CD109: variants seen among roughly 807,000 people sequenced by gnomAD.
The protein encoded by CD109 is CD109 molecule.
Under a neutral mutation model 165.8 loss-of-function variants are expected in CD109, and 149 were observed. That is an observed-to-expected ratio of 0.90 (90% CI 0.79 to 1.03). The LOEUF (loss-of-function observed/expected upper bound fraction) is 1.03, where lower values mean the gene tolerates loss of function less well. CD109 is among the 50% of genes least tolerant of loss of function. The pLI, the probability that CD109 is intolerant of heterozygous loss-of-function variation, is 0.00. For missense variants in CD109, 1,712 were observed against 1,677.8 expected (o/e 1.02, Z -0.36); for synonymous variants, 585 against 592.1 (o/e 0.99, Z 0.18).
chr6:73,712,681 C>T, intron 2 of CD109, among the ~76,000 whole-genome samples: 1 of 152,238 alleles, frequency 6.6e-6, no homozygotes, highest in East Asian at 1.9e-4. Flanking sequence ...AGCTTTGACT[C>T]TATTTGTAAA....
At chr6:73,763,274 C>T (rs1773704468) in intron 9 of CD109, among the ~76,000 whole-genome samples, 1 of 152,182 alleles carries the variant, frequency 6.6e-6, no homozygotes, top group South Asian at 2.1e-4. Context: ...CTTTCTGTTA[C>T]TATTTCAACA....
At chr6:73,758,851 G>A (rs45474895) in intron 6 of CD109, 93 bp from the exon 7 acceptor site, 92,556 of 702,738 alleles carry the variant, frequency 0.13, 6,732 homozygotes, top group Non-Finnish European at 0.16. Context: ...TTATTCAGTG[G>A]AAGATGATAG....
chr6:73,681,073 T>A, the CD109 span, among the ~76,000 whole-genome samples: 1 of 152,174 alleles, frequency 6.6e-6, no homozygotes, highest in East Asian at 1.9e-4. Flanking sequence ...CAGTGGCCCA[T>A]CTGCAGTGCT....
chr6:73,723,748 G>A (rs1372030130), intron 3 of CD109, among the ~76,000 whole-genome samples: 1 of 152,194 alleles, frequency 6.6e-6, no homozygotes, highest in African/African-American at 2.4e-5. Flanking sequence ...CTGGAGGGTA[G>A]AGGGAGGGAG....
chr6:73,755,702 C>T (rs1248585716), intron 5 of CD109, among the ~76,000 whole-genome samples: 1 of 151,982 alleles, frequency 6.6e-6, no homozygotes, highest in African/African-American at 2.4e-5. Context: ...GTGTCTCATG[C>T]CTGTAATCCT....
rs1192547287 is a variant in CD109 at position 73,766,521 on chromosome 6, GTA to G, written c.1333-234_1333-233del. 6.7e-4 allele frequency among the ~76,000 whole-genome samples: 73 copies of G among 109,698 alleles called. 1 individual carries two copies. The highest frequency in any genetic ancestry group is 2.7e-3 in the African/African-American group (70 of 25,746). The allele number at this position is 109,698 out of a possible 152,430, so 72.0% of individuals were successfully genotyped here. On this transcript the variant is annotated intron_variant, in intron 11 of 32. Coordinates refer to ENST00000287097, the MANE Select transcript of CD109 (RefSeq NM_133493.5). ...TATATACACACATATATATGTATAT[GTA>G]TATGTGTGTGTGTATATATATATAT... is the stretch of plus-strand genomic sequence containing the variant.
rs1219370994 is a variant in CD109 at position 73,807,170 on chromosome 6, C to G, written c.3189+98C>G. On this transcript the variant is annotated intron_variant, in intron 25 of 32. Transcript: ENST00000287097. ...TGTGTGGAAACTTAACAAGTTGCAG[C>G]TTTACAACACATGTGAAATCTGAAT... The G allele has an allele frequency of 3.6e-6, 3 of 827,662 alleles. No individual in the cohort carries two copies. The African/African-American group carries it at 5.1e-5, about 14-fold the overall frequency. 51.3% of individuals were successfully genotyped at this position (827,662 alleles called of 1,614,324 possible).
chr6:73,806,013 T>C (rs1243761663), intron 24 of CD109, among the ~76,000 whole-genome samples: 1 of 152,180 alleles, frequency 6.6e-6, no homozygotes, highest in Admixed American at 6.6e-5. Flanking sequence ...CATTACTGGG[T>C]ATATACCCAA....
chr6:73,760,875 C>T (rs1162814996), intron 7 of CD109, among the ~76,000 whole-genome samples: 1 of 151,626 alleles, frequency 6.6e-6, no homozygotes, highest in Non-Finnish European at 1.5e-5. Context: ...ATTCGCTGGA[C>T]GTGGTGGTGT....
chr6:73,808,028 G>A, intron 25 of CD109, 55 bp from the exon 26 acceptor site: 1 of 1,505,524 alleles, frequency 6.6e-7, no homozygotes, highest in East Asian at 2.3e-5. Context: ...TTTTGTTTCA[G>A]TATGTGGTAA....
intron 16 of CD109, 64 bp from the exon 17 acceptor site, chr6:73,781,195 C>T (rs767258703): frequency 3.7e-6 from 5 of 1,360,174 alleles, no homozygotes; most frequent in Non-Finnish European, 5.2e-6. Flanking sequence ...TGGGAGACTG[C>T]CTTGATAATT....
At chr6:73,689,108 A>T in the CD109 span, among the ~76,000 whole-genome samples, 1 of 152,144 alleles carries the variant, frequency 6.6e-6, no homozygotes, top group Non-Finnish European at 1.5e-5. Flanking sequence ...AAATTATTCC[A>T]TTGGGCGACA....
intron 15 of CD109, among the ~76,000 whole-genome samples, chr6:73,774,280 C>G (rs1774155676): frequency 6.6e-6 from 1 of 152,200 alleles, no homozygotes; most frequent in Non-Finnish European, 1.5e-5. Context: ...CTGATAATAT[C>G]TATTGGTGAA....
At chr6:73,707,631 C>T (rs961300475) in intron 2 of CD109, among the ~76,000 whole-genome samples, 2 of 152,080 alleles carry the variant, frequency 1.3e-5, no homozygotes, top group African/African-American at 4.8e-5. Context: ...AGAGCTGTAT[C>T]ATCCAATATG....
At chr6:73,685,744 T>C in the CD109 span, among the ~76,000 whole-genome samples, 6 of 152,204 alleles carry the variant, frequency 3.9e-5, no homozygotes, top group East Asian at 1.2e-3. Flanking sequence ...ATATCATTCT[T>C]ATCCCTTTGC....
intron 5 of CD109, among the ~76,000 whole-genome samples, chr6:73,746,302 G>T (rs1004087843): frequency 6.6e-6 from 1 of 152,176 alleles, no homozygotes; most frequent in Non-Finnish European, 1.5e-5. Context: ...CTGGGTGAGG[G>T]GGAAGGGGGC....
Position 73,696,651 on chromosome 6 carries a change from C to A in CD109, c.74+362C>A, listed in dbSNP as rs146709382. Among the ~76,000 whole-genome samples the A allele has an allele frequency of 6.2e-3, 944 of 152,250 alleles. 7 individuals are homozygous for A. The highest frequency in any genetic ancestry group is 0.016 in the African/African-American group (650 of 41,544). On this transcript the variant is annotated intron_variant, in intron 1 of 32. Coordinates refer to ENST00000287097, the MANE Select transcript of CD109 (RefSeq NM_133493.5). The stretch of plus-strand genomic sequence containing the variant: ...CAAAGACATGATATATTTTTTCTAA[C>A]CAAGATGTCTCAACCTTAGCATTGC...
chr6:73,687,426 C>G, the CD109 span, among the ~76,000 whole-genome samples: 2 of 151,360 alleles, frequency 1.3e-5, no homozygotes, highest in Admixed American at 1.3e-4. Context: ...TGCATGCTCT[C>G]TCTCTTCCCT....
upstream of CD109, chr6:73,695,842 G>A (rs1582020467): frequency 3.4e-6 from 1 of 290,230 alleles, no homozygotes; most frequent in Non-Finnish European, 6.5e-6. Flanking sequence ...CCTGGGCATC[G>A]TTGGTAGAGC....
Sources: allele counts gnomAD v4.1 joint callset (sites outside exome capture counted in the v4.1 genomes callset), GRCh38; gene constraint gnomAD v4.1.1; transcripts MANE v1.5; gene names NCBI Gene and HGNC (gene_info 2026-07-23, HGNC 2026-07-21).